Variants in MAML3 observed in about 807,000 individuals in gnomAD.
MAML3 encodes the protein mastermind-like protein 3.
In MAML3, 27 loss-of-function variants were observed where a neutral mutation model predicts 101.9. The ratio of observed to expected loss-of-function variants is 0.27; its 90% CI spans 0.20 to 0.37. The LOEUF is 0.37. MAML3 is among the 10% of genes least tolerant of loss of function. The pLI is 1.00. For missense variants in MAML3, 1,316 were observed against 1,444.9 expected (o/e 0.91, Z 1.45); for synonymous variants, 501 against 555.9 (o/e 0.90, Z 1.39).
At chr4:140,057,521 T>C (rs796399000) in intron 1 of MAML3, among the ~76,000 whole-genome samples, 2 of 152,334 alleles carry the variant, frequency 1.3e-5, no homozygotes, top group African/African-American at 4.8e-5. Flanking sequence ...AATATCCAGA[T>C]AACTTGAAGA....
rs1269548580 is a variant in MAML3, at chr4:139,785,100, A to C, written c.2080-54433T>G. 1.3e-5 allele frequency among the ~76,000 whole-genome samples: 2 copies of C among 152,230 alleles called. No individual in the cohort carries two copies. The highest frequency in any genetic ancestry group is 6.5e-5 in the Admixed American group (1 of 15,286). ...CCCCTTACATTTGTACAAAAGAAGA[A>C]GGCGGCTAGCTTGGACACAAACACT... On this transcript the variant is annotated intron_variant, in intron 2 of 4. Transcript: ENST00000509479. The surrounding 1 kb of genome is among the most constrained non-coding windows in gnomAD (Gnocchi z 4.3).
intron 1 of MAML3, among the ~76,000 whole-genome samples, chr4:140,140,120 G>A (rs1360042466): frequency 1.3e-5 from 2 of 152,110 alleles, no homozygotes; most frequent in Admixed American, 6.5e-5. Flanking sequence ...TCAGGAGTTC[G>A]AGACCAGCCT....
chr4:139,719,483 C>A lies in MAML3; in HGVS notation c.3257G>T (p.Arg1086Leu). ...GTATGACACGTCCTGAGGGGCATTC[C>A]GCTCATAGGCTTGGCTCTGGCTGCT... ...APSSQSQAYE[R>L]NAPQDVSYNY... The change falls in exon 5 of 5, where the codon CGG becomes CTG. Residue 1086 changes from arginine (R) to leucine (L), a missense_variant. Arg to Leu is a moderately radical substitution (Grantham distance 102). Coordinates refer to ENST00000509479, the MANE Select transcript of MAML3 (RefSeq NM_018717.5). 6.2e-7 allele frequency: 1 copy of A among 1,614,022 alleles called. No homozygotes were observed. Among genetic ancestry groups the A allele is most frequent in the Non-Finnish European group, 8.5e-7 (1 of 1,179,900 alleles).
At chr4:140,126,559 C>G (rs1728688840) in intron 1 of MAML3, among the ~76,000 whole-genome samples, 1 of 152,214 alleles carries the variant, frequency 6.6e-6, no homozygotes. Flanking sequence ...CAGAAATACA[C>G]TGAATCTTGT....
intron 1 of MAML3, among the ~76,000 whole-genome samples, chr4:139,909,097 T>G (rs1030382888): frequency 1.3e-5 from 2 of 152,214 alleles, no homozygotes; most frequent in African/African-American, 4.8e-5. Context: ...ACTCCTGCAC[T>G]CGAACTGGAG....
At position 139,960,389 on chromosome 4, in the gene MAML3, T is replaced by C. The variant is rs185577603; in HGVS notation, c.469-69422A>G. 2.6e-5 allele frequency among the ~76,000 whole-genome samples: 4 copies of C among 152,316 alleles called. No individual in the cohort carries two copies. In the East Asian group the frequency reaches 7.7e-4, roughly 29 times the overall value. ...TACCTTTTAAAATTGGACAAAGCTC[T>C]TCCCATGGTGGTCTTCAGAGAAAAA... is the stretch of plus-strand genomic sequence containing the variant. On this transcript the variant is annotated intron_variant, in intron 1 of 4. Coordinates refer to ENST00000509479, the MANE Select transcript of MAML3 (RefSeq NM_018717.5).
chr4:139,887,261 G>A (rs538665059), intron 2 of MAML3, among the ~76,000 whole-genome samples: 2 of 152,294 alleles, frequency 1.3e-5, no homozygotes, highest in South Asian at 4.1e-4. Context: ...TTTGAAGCTC[G>A]TTTCAAACAG....
chr4:139,738,885 A>G (rs1341874081), intron 2 of MAML3, among the ~76,000 whole-genome samples: 3 of 152,216 alleles, frequency 2.0e-5, no homozygotes, highest in Non-Finnish European at 4.4e-5. Context: ...TGATCATGGT[A>G]TATACACAAT....
chr4:139,761,051 C>G (rs1427386087), intron 2 of MAML3, among the ~76,000 whole-genome samples: 1 of 152,120 alleles, frequency 6.6e-6, no homozygotes, highest in Non-Finnish European at 1.5e-5. Flanking sequence ...CTCCACCTCC[C>G]GGGTTCAAGT....
intron 1 of MAML3, among the ~76,000 whole-genome samples, chr4:140,142,032 A>G (rs1382017526): frequency 1.3e-5 from 2 of 152,232 alleles, no homozygotes; most frequent in Non-Finnish European, 2.9e-5. Context: ...AGAAACCACC[A>G]AAGTATCAAT....
intron 2 of MAML3, among the ~76,000 whole-genome samples, chr4:139,868,847 C>T (rs1731949803): frequency 6.6e-6 from 1 of 152,126 alleles, no homozygotes; most frequent in Admixed American, 6.5e-5. Context: ...AAATAAAATT[C>T]TCCTTCTCCA....
chr4:139,825,213 T>C (rs1364729668), intron 2 of MAML3, among the ~76,000 whole-genome samples: 4 of 152,066 alleles, frequency 2.6e-5, no homozygotes, highest in Non-Finnish European at 4.4e-5. Context: ...AATTTCTTTC[T>C]CTTAGAATAG....
chr4:139,984,203 T>G (rs1734495401), intron 1 of MAML3, among the ~76,000 whole-genome samples: 1 of 152,070 alleles, frequency 6.6e-6, no homozygotes, highest in Admixed American at 6.6e-5. Flanking sequence ...AGGTCAACAG[T>G]GTGGCGTTGA....
intron 1 of MAML3, among the ~76,000 whole-genome samples, chr4:140,133,838 G>A (rs1728837277): frequency 6.6e-6 from 1 of 152,168 alleles, no homozygotes; most frequent in African/African-American, 2.4e-5. Flanking sequence ...TAATCAGAAT[G>A]TCTGTCTCAT....
chr4:139,919,653 C>T (rs537958746), intron 1 of MAML3, among the ~76,000 whole-genome samples: 52 of 152,334 alleles, frequency 3.4e-4, no homozygotes, highest in Non-Finnish European at 6.9e-4. Flanking sequence ...CAGGCCAAGA[C>T]TTCATGGAAT....
chr4:140,095,127 G>A (rs896975215), intron 1 of MAML3, among the ~76,000 whole-genome samples: 5 of 152,232 alleles, frequency 3.3e-5, no homozygotes, highest in South Asian at 2.1e-4. Context: ...CTCAAAGGAC[G>A]TCACAGAGTA....
chr4:139,835,745 C>A (rs1379203318), intron 2 of MAML3, among the ~76,000 whole-genome samples: 2 of 152,066 alleles, frequency 1.3e-5, no homozygotes, highest in African/African-American at 4.8e-5. Flanking sequence ...TGCTGCATGT[C>A]CCCCAAAGTT....
chr4:139,873,741 G>T (rs1024645156), intron 2 of MAML3, among the ~76,000 whole-genome samples: 2 of 152,168 alleles, frequency 1.3e-5, no homozygotes, highest in Non-Finnish European at 2.9e-5. Flanking sequence ...CACATATGAA[G>T]TAGAGTCTCC....
chr4:139,919,468 T>C (rs1237583481), intron 1 of MAML3, among the ~76,000 whole-genome samples: 1 of 152,238 alleles, frequency 6.6e-6, no homozygotes, highest in Non-Finnish European at 1.5e-5. Context: ...CTTTTTTATG[T>C]AGAAAGTTTG....
Sources: allele counts gnomAD v4.1 joint callset (sites outside exome capture counted in the v4.1 genomes callset), GRCh38; gene constraint gnomAD v4.1.1; non-coding constraint Gnocchi (gnomAD v3.1); transcripts MANE v1.5; gene names NCBI Gene and HGNC (gene_info 2026-07-23, HGNC 2026-07-21).